The following TYR variants were observed in gnomAD, a reference collection of about 807,000 sequenced individuals.
The protein encoded by TYR is tyrosinase.
TYR carries 58 observed loss-of-function variants against 51.5 expected under a neutral mutation model. The observed-to-expected ratio is 1.13, with a 90% CI of 0.91 to 1.40. The LOEUF (loss-of-function observed/expected upper bound fraction) is 1.40, where lower values mean the gene tolerates loss of function less well. Ranked by LOEUF, TYR falls within the 40% of genes most tolerant of loss-of-function variation. The pLI is 0.00. For synonymous variants in TYR, 263 were observed against 235.2 expected (o/e 1.12, Z -1.08); for missense variants, 732 against 647.4 (o/e 1.13, Z -1.42).
At chr11:89,185,094 C>T (rs755671775) in intron 1 of TYR, among the ~76,000 whole-genome samples, 24 of 152,234 alleles carry the variant, frequency 1.6e-4, no homozygotes, top group South Asian at 4.1e-4. Context: ...TTATTCTATA[C>T]GTCTCGCCTA....
At chr11:89,249,325 C>T (rs1944304494) in intron 3 of TYR, among the ~76,000 whole-genome samples, 1 of 151,100 alleles carries the variant, frequency 6.6e-6, no homozygotes, top group Non-Finnish European at 1.5e-5. Context: ...AGTATAAACA[C>T]AGAAGAAAAG....
At chr11:89,198,769 A>ATATATATAT (rs951676764) in intron 2 of TYR, among the ~76,000 whole-genome samples, 1 of 151,014 alleles carries the variant, frequency 6.6e-6, no homozygotes, top group African/African-American at 2.5e-5. Context: ...ATATATATAT[A>ATATATATAT]TTTTTATACT....
intron 4 of TYR, among the ~76,000 whole-genome samples, chr11:89,290,835 A>G (rs966841138): frequency 6.6e-6 from 1 of 151,962 alleles, no homozygotes; most frequent in Non-Finnish European, 1.5e-5. Context: ...AAGTAAATTT[A>G]TAGTATCTTC....
chr11:89,295,428 C>G lies in TYR; in HGVS notation c.*62C>G. On this transcript the variant is annotated 3_prime_UTR_variant, in exon 5 of 5. Transcript: ENST00000263321. Reference sequence around the variant, plus strand: ...CCTCACTCTAACTCAAAGTAATGTCCAGGTTCCCAGAGAATATCTGCTGGT... The same window carrying G: ...CCTCACTCTAACTCAAAGTAATGTCGAGGTTCCCAGAGAATATCTGCTGGT... 1 of 1,542,000 alleles carries G rather than the reference C, an allele frequency of 6.5e-7. No individual in the cohort carries two copies. Among genetic ancestry groups the G allele is most frequent in the South Asian group, 1.2e-5 (1 of 86,690 alleles).
intron 4 of TYR, among the ~76,000 whole-genome samples, chr11:89,287,167 T>A (rs1412556035): frequency 6.6e-6 from 1 of 151,850 alleles, no homozygotes; most frequent in African/African-American, 2.4e-5. Context: ...AGATCAGAAT[T>A]TATCTTGCAA....
At chr11:89,234,071 A>C (rs147221350) in intron 3 of TYR, among the ~76,000 whole-genome samples, 1 of 143,856 alleles carries the variant, frequency 7.0e-6, no homozygotes. Flanking sequence ...CTGAAAATCT[A>C]TTGTTTAGTA....
chr11:89,227,266 G>C (rs1259024738), intron 2 of TYR, among the ~76,000 whole-genome samples: 1 of 152,028 alleles, frequency 6.6e-6, no homozygotes, highest in Non-Finnish European at 1.5e-5. Context: ...TTGGAGTTCT[G>C]AATATTTTTG....
chr11:89,275,580 C>CT lies in TYR; in HGVS notation c.1185-9190dup, dbSNP rs545830711. ...AAGCAAGATATTGTTCAAAGGAAAA[C>CT]TTTAGCCAAATTAAATTTAAAAGAG... On this transcript the variant is annotated intron_variant, in intron 3 of 4. Transcript: ENST00000263321. Among the ~76,000 whole-genome samples, 24 of 151,950 alleles carry CT rather than the reference C, an allele frequency of 1.6e-4. 1 individual carries two copies. The South Asian group carries it at 4.8e-3, about 30-fold the overall frequency.
intron 2 of TYR, among the ~76,000 whole-genome samples, chr11:89,216,716 T>C: frequency 6.6e-6 from 1 of 151,322 alleles, no homozygotes; most frequent in Admixed American, 6.6e-5. Flanking sequence ...AAGTTGATTT[T>C]GCTCTTATGA....
intron 2 of TYR, among the ~76,000 whole-genome samples, chr11:89,207,346 T>C (rs751588135): frequency 7.9e-5 from 12 of 152,156 alleles, no homozygotes; most frequent in Non-Finnish European, 1.6e-4. Flanking sequence ...GAGCACTCTA[T>C]GTACATAACA....
chr11:89,269,271 A>C (rs963787055), intron 3 of TYR, among the ~76,000 whole-genome samples: 8 of 151,938 alleles, frequency 5.3e-5, no homozygotes, highest in African/African-American at 1.7e-4. Context: ...TTAATAGCAG[A>C]CCTCCCATTT....
rs555635717 is a variant in TYR, at chr11:89,266,840, A to G, written c.1185-17933A>G. Among the ~76,000 whole-genome samples the G allele has an allele frequency of 4.6e-5, 7 of 152,044 alleles. No homozygotes were observed. The South Asian group carries it at 1.5e-3, about 32-fold the overall frequency. ...TTATCATGTAGGTAATTACATGAAG[A>G]TTATCATGTAGATTATTACATAAAG... is the stretch of plus-strand genomic sequence containing the variant. On this transcript the variant is annotated intron_variant, in intron 3 of 4. Transcript: ENST00000263321.
chr11:89,201,868 G>A (rs1453583415), intron 2 of TYR, among the ~76,000 whole-genome samples: 1 of 152,128 alleles, frequency 6.6e-6, no homozygotes, highest in Non-Finnish European at 1.5e-5. Context: ...AAGGGCATCT[G>A]GGAAGACCTT....
In TYR at chr11:89,227,932, C is replaced by A. The variant is rs104894315; in HGVS notation, c.1146C>A (p.Asn382Lys). 2.9e-5 allele frequency: 47 copies of A among 1,613,502 alleles called. No homozygotes were observed. The highest frequency in any genetic ancestry group is 3.9e-5 in the Non-Finnish European group (46 of 1,179,684). ...TGTCCCAGGTACAGGGATCTGCCAA[C>A]GATCCTATCTTCCTTCTTCACCATG... ...GTMSQVQGSA[N>K]DPIFLLHHAF... The change falls in exon 3 of 5, where the codon AAC (asparagine) becomes AAA (lysine). Residue 382 changes from asparagine (N) to lysine (K), a missense_variant. Coordinates refer to ENST00000263321, the MANE Select transcript of TYR (RefSeq NM_000372.5).
At chr11:89,264,831 A>G (rs961053856) in intron 3 of TYR, among the ~76,000 whole-genome samples, 3 of 151,726 alleles carry the variant, frequency 2.0e-5, no homozygotes, top group Admixed American at 6.6e-5. Flanking sequence ...GAAGTGTCTA[A>G]TATGTTATTT....
Position 89,289,047 on chromosome 11 carries a change from G to C in TYR, c.1366+4093G>C, listed in dbSNP as rs1361528232. On this transcript the variant is annotated intron_variant, in intron 4 of 4. Coordinates refer to ENST00000263321, the MANE Select transcript of TYR (RefSeq NM_000372.5). The stretch of plus-strand genomic sequence containing the variant: ...TATAATTGAATTTAGTGATTCTTTA[G>C]AAAATTGAGTAGCAGGTGATTTTCT... 5.3e-5 allele frequency among the ~76,000 whole-genome samples: 8 copies of C among 152,070 alleles called. No homozygotes were observed. The East Asian group carries it at 1.6e-3, about 29-fold the overall frequency.
intron 2 of TYR, among the ~76,000 whole-genome samples, chr11:89,202,775 T>C (rs1451554907): frequency 2.0e-5 from 3 of 152,052 alleles, no homozygotes; most frequent in Admixed American, 6.6e-5. Flanking sequence ...TCTTAAGATG[T>C]AATAATTAAT....
At chr11:89,257,958 A>G (rs1565415036) in intron 3 of TYR, among the ~76,000 whole-genome samples, 1 of 152,062 alleles carries the variant, frequency 6.6e-6, no homozygotes, top group Non-Finnish European at 1.5e-5. Context: ...GCAACACCCC[A>G]AAAGTATCTT....
At chr11:89,245,910 G>A (rs1297202856) in intron 3 of TYR, among the ~76,000 whole-genome samples, 1 of 141,768 alleles carries the variant, frequency 7.1e-6, no homozygotes, top group Admixed American at 7.2e-5. Context: ...GACAGAGCAA[G>A]ACTCCATCTC....
Sources: gnomAD v4.1 joint callset for allele counts (sites outside exome capture counted in the v4.1 genomes callset) on GRCh38, gnomAD v4.1.1 for gene constraint, MANE v1.5 for transcripts, NCBI Gene and HGNC (gene_info 2026-07-23, HGNC 2026-07-21) for gene names.